SIN3A: variants seen among roughly 807,000 people sequenced by gnomAD.
SIN3A encodes the protein paired amphipathic helix protein Sin3a.
In SIN3A, 14 loss-of-function variants were observed where a neutral mutation model predicts 146.1. The observed-to-expected ratio is 0.10, with a 90% CI of 0.06 to 0.15. The LOEUF (loss-of-function observed/expected upper bound fraction) is 0.15. SIN3A is among the 10% of genes least tolerant of loss of function. SIN3A has a pLI of 1.00. For synonymous variants in SIN3A, 572 were observed against 572.0 expected (o/e 1.00, Z 0.00); for missense variants, 1,028 against 1,576.0 (o/e 0.65, Z 5.89).
At position 75,451,465 on chromosome 15, in the gene SIN3A, G is replaced by GC. The variant is rs1314766978; in HGVS notation, c.-77dup. On this transcript the variant is annotated 5_prime_UTR_variant, in exon 1 of 21. Transcript: ENST00000394947. ...CGCTCGTCACTGCGTGTCCCTCTCA[G>GC]CGTGAGCCGCGAGCTCAGCAGGGAG... 1 of 150,106 alleles carries GC rather than the reference G, an allele frequency of 6.7e-6. No homozygotes were observed. The highest frequency in any genetic ancestry group is 2.5e-5 in the African/African-American group (1 of 40,640). 9.3% of individuals were successfully genotyped at this position (150,106 alleles called of 1,614,324 possible).
intron 5 of SIN3A, 119 bp downstream of exon 5, chr15:75,412,644 T>C: frequency 9.5e-7 from 1 of 1,053,144 alleles, no homozygotes; most frequent in South Asian, 2.0e-5. Flanking sequence ...CATTTTTCTA[T>C]GACGAAATCT....
At chr15:75,453,156 GGTCCAACACT>G (rs2074436150), upstream of SIN3A, 1 of 152,228 alleles carries the variant, frequency 6.6e-6, no homozygotes, top group African/African-American at 2.4e-5. Context: ...CCCACGCCTA[GGTCCAACACT>G]GTCCTCCCTC....
At position 75,379,189 on chromosome 15, in the gene SIN3A, C is replaced by T. The variant is rs771522735; in HGVS notation, c.3383+1440G>A. The stretch of plus-strand genomic sequence containing the variant: ...CTGGAGTTACAGGCGTGAGCCACTG[C>T]GCCCAGCCCAATATTGTTATTTTTC... On this transcript the variant is annotated intron_variant, in intron 19 of 20. Transcript: ENST00000394947. Among the ~76,000 whole-genome samples, 232 of 152,282 alleles carry T rather than the reference C, an allele frequency of 1.5e-3. 2 individuals carry two copies. The highest frequency in any genetic ancestry group is 1.8e-3 in the Non-Finnish European group (122 of 68,032).
At chr15:75,408,386 G>A (rs887447150) in intron 8 of SIN3A, among the ~76,000 whole-genome samples, 2 of 152,212 alleles carry the variant, frequency 1.3e-5, no homozygotes, top group African/African-American at 4.8e-5. Context: ...AAAAGTGTCA[G>A]TAACACCTAG....
rs771744359 is a variant in SIN3A at position 75,409,870 on chromosome 15, C to T, written c.1283G>A (p.Arg428His). The T allele has an allele frequency of 1.2e-6, 2 of 1,613,224 alleles. No homozygotes were observed. The highest frequency in any genetic ancestry group is 1.3e-5 in the African/African-American group (1 of 75,020). The change falls in exon 8 of 21, where the codon CGC (arginine) becomes CAC (histidine). Residue 428 changes from arginine to histidine, a missense_variant. Arg to His is a conservative substitution (Grantham distance 29). This residue lies in a region of SIN3A where 62 missense variants were observed against 63.5 expected (regional missense o/e 0.98). Coordinates refer to ENST00000394947, the MANE Select transcript of SIN3A (RefSeq NM_001145358.2). ...AGGGGTGGTTCCTGTAGGATGTCTGCGGATCTGGCAGCCATTCTGGCTGGG... is the reference window on the plus strand; with the variant it reads ...AGGGGTGGTTCCTGTAGGATGTCTGTGGATCTGGCAGCCATTCTGGCTGGG... ...QRPSQNGCQI[R>H]RHPTGTTPPV...
chr15:75,386,669 G>A (rs1419648948), intron 16 of SIN3A, among the ~76,000 whole-genome samples: 1 of 152,222 alleles, frequency 6.6e-6, no homozygotes, highest in Non-Finnish European at 1.5e-5. Context: ...CAAGCATGGA[G>A]CAGAAGTCCA....
intron 19 of SIN3A, among the ~76,000 whole-genome samples, chr15:75,377,840 C>A (rs2072891317): frequency 6.6e-6 from 1 of 152,152 alleles, no homozygotes; most frequent in Admixed American, 6.5e-5. Context: ...CCCGAAAGAA[C>A]AACTGACTAA....
intron 9 of SIN3A, among the ~76,000 whole-genome samples, chr15:75,406,609 C>T (rs897315203): frequency 6.6e-6 from 1 of 152,076 alleles, no homozygotes; most frequent in Non-Finnish European, 1.5e-5. Context: ...ATGGCGTGAA[C>T]CCCAGGAGGC....
At position 75,407,106 on chromosome 15, in the gene SIN3A, C is replaced by T; in HGVS notation, c.1356G>A (p.Met452Ile). Residue 452 changes from methionine (M) to isoleucine (I), a missense_variant, in exon 9 of 21, where the codon ATG (methionine) becomes ATA (isoleucine). By Grantham distance (10) the Met-to-Ile change is conservative. Transcript: ENST00000394947. ...PKLLNLKDSSMADASKHGGGT... is the reference protein window; with the variant it reads ...PKLLNLKDSSIADASKHGGGT... ...CACCACCATGTTTGCTGGCATCTGC[C>T]ATAGAAGAATCCTTCAGATTGAGCA... 4 of 1,612,882 alleles carry T rather than the reference C, an allele frequency of 2.5e-6. No individual in the cohort carries two copies. Among genetic ancestry groups the T allele is most frequent in the Non-Finnish European group, 3.4e-6 (4 of 1,179,404 alleles).
chr15:75,441,752 G>A (rs2074215574), intron 1 of SIN3A, among the ~76,000 whole-genome samples: 1 of 151,902 alleles, frequency 6.6e-6, no homozygotes, highest in East Asian at 1.9e-4. Flanking sequence ...TCATAATTTT[G>A]TTGGAGAGAA....
At position 75,416,062 on chromosome 15, in the gene SIN3A, A is replaced by G. The variant is rs1320357548; in HGVS notation, c.367-1751T>C. 26 of 267,844 alleles carry G rather than the reference A, an allele frequency of 9.7e-5. 1 individual carries two copies. The South Asian group carries it at 1.2e-3, about 12-fold the overall frequency. The allele number at this position is 267,844 out of a possible 1,614,324, so 16.6% of individuals were successfully genotyped here. ...GTAACTGTGTACTTCTGGTGACTGTAAAGTTTGAACTATAAAGTTATGAAG... is the reference window on the plus strand; with the variant it reads ...GTAACTGTGTACTTCTGGTGACTGTGAAGTTTGAACTATAAAGTTATGAAG... On this transcript the variant is annotated intron_variant, in intron 3 of 20. Coordinates refer to ENST00000394947, the MANE Select transcript of SIN3A (RefSeq NM_001145358.2).
At chr15:75,445,042 T>C (rs144852974) in intron 1 of SIN3A, among the ~76,000 whole-genome samples, 245 of 151,742 alleles carry the variant, frequency 1.6e-3, no homozygotes, top group African/African-American at 4.8e-3. Flanking sequence ...CTGAGCAACA[T>C]GGTAAGACCC....
At chr15:75,437,437 G>C (rs1250823313) in intron 1 of SIN3A, among the ~76,000 whole-genome samples, 1 of 152,164 alleles carries the variant, frequency 6.6e-6, no homozygotes, top group Non-Finnish European at 1.5e-5. Context: ...AAAGTGCTGA[G>C]ATTATAGGCA....
chr15:75,373,755 A>T (rs76686250), intron 20 of SIN3A, among the ~76,000 whole-genome samples: 6 of 137,836 alleles, frequency 4.4e-5, no homozygotes, highest in East Asian at 2.0e-4. Flanking sequence ...TATTTTCATT[A>T]AAAAAAAAAA....
intron 9 of SIN3A, among the ~76,000 whole-genome samples, chr15:75,402,385 G>A (rs187573534): frequency 1.3e-5 from 2 of 151,868 alleles, no homozygotes; most frequent in African/African-American, 2.4e-5. Context: ...GGTGGCACAC[G>A]CCTGTAATTC....
intron 5 of SIN3A, among the ~76,000 whole-genome samples, chr15:75,412,080 G>A (rs776028193): frequency 5.9e-5 from 9 of 152,140 alleles, no homozygotes; most frequent in African/African-American, 1.2e-4. Context: ...GCCTTTTGAT[G>A]TCAACAACAA....
chr15:75,403,714 T>C (rs1595902143), intron 9 of SIN3A, among the ~76,000 whole-genome samples: 1 of 152,012 alleles, frequency 6.6e-6, no homozygotes, highest in African/African-American at 2.4e-5. Flanking sequence ...CTAATGTTTT[T>C]TTTGTATTTT....
At chr15:75,443,421 G>A (rs1283475607) in intron 1 of SIN3A, among the ~76,000 whole-genome samples, 1 of 152,076 alleles carries the variant, frequency 6.6e-6, no homozygotes, top group East Asian at 1.9e-4. Flanking sequence ...ATACTTTCTT[G>A]AAAGATGCTG....
At chr15:75,372,491 A>G (rs2072771124) in intron 20 of SIN3A, among the ~76,000 whole-genome samples, 1 of 152,194 alleles carries the variant, frequency 6.6e-6, no homozygotes, top group African/African-American at 2.4e-5. Context: ...TCTCAATTTT[A>G]GCATGCGTTA....
Sources: allele counts gnomAD v4.1 joint callset (sites outside exome capture counted in the v4.1 genomes callset), GRCh38; gene constraint gnomAD v4.1.1; regional missense constraint gnomAD v4.1.1; transcripts MANE v1.5; gene names NCBI Gene and HGNC (gene_info 2026-07-23, HGNC 2026-07-21).